Variants in THSD4 observed in about 807,000 individuals in gnomAD.
THSD4 encodes thrombospondin type-1 domain-containing protein 4.
A neutral mutation model predicts 119.0 loss-of-function variants in THSD4; 69 were observed. That is an observed-to-expected ratio of 0.58 (90% CI 0.48 to 0.71). THSD4 has a LOEUF of 0.71. Ranked by LOEUF, THSD4 falls within the 30% of genes least tolerant of loss-of-function variation. The probability of loss-of-function intolerance (pLI) is 0.00; values close to 1 mark genes in which losing one functional copy is unlikely to be tolerated. For synonymous variants in THSD4, 524 were observed against 540.4 expected, an observed-to-expected ratio of 0.97 and a Z score of 0.42; for missense variants, 1,393 against 1,391.1, an observed-to-expected ratio of 1.00 and a Z score of -0.02.
intron 7 of THSD4, among the ~76,000 whole-genome samples, chr15:71,499,500 TAAA>T (rs60677215): frequency 2.1e-5 from 3 of 144,304 alleles, no homozygotes; most frequent in African/African-American, 2.5e-5. Context: ...TTTATTATGG[TAAA>T]AAAAAAAAAA....
At position 71,382,765 on chromosome 15, in the gene THSD4, A is replaced by G. The variant is rs369816014; in HGVS notation, c.1016-28922A>G. ...GATGATACCATTTTATAATTTTTAG[A>G]AATGTATTTTCTCATAACACAATTT... On this transcript the variant is annotated intron_variant, in intron 6 of 17. Coordinates refer to ENST00000261862, the MANE Select transcript of THSD4 (RefSeq NM_024817.3). Among the ~76,000 whole-genome samples, 6 of 152,276 alleles carry G rather than the reference A, an allele frequency of 3.9e-5. No individual in the cohort carries two copies. The East Asian group carries it at 1.2e-3, about 29-fold the overall frequency.
Position 71,266,922 on chromosome 15 carries a change from G to A in THSD4, c.1015+10207G>A, listed in dbSNP as rs527243894. Among the ~76,000 whole-genome samples, 2 of 152,072 alleles carry A rather than the reference G, an allele frequency of 1.3e-5. 1 individual carries two copies. The highest frequency in any genetic ancestry group is 4.1e-4 in the South Asian group (2 of 4,824). On this transcript the variant is annotated intron_variant, in intron 6 of 17. Coordinates refer to ENST00000261862, the MANE Select transcript of THSD4 (RefSeq NM_024817.3). ...AAGACAAGATTAGAGAAAAAAGAAT[G>A]AAAAGGAATGAACAAAGCCTCCAAG...
intron 8 of THSD4, among the ~76,000 whole-genome samples, chr15:71,690,210 A>G (rs949897909): frequency 1.3e-5 from 2 of 152,160 alleles, no homozygotes; most frequent in African/African-American, 4.8e-5. Flanking sequence ...TTAATGGGTA[A>G]TTGCCTGAGC....
At chr15:71,597,576 C>G (rs745525985) in intron 7 of THSD4, among the ~76,000 whole-genome samples, 3 of 152,106 alleles carry the variant, frequency 2.0e-5, no homozygotes, top group Non-Finnish European at 4.4e-5. Context: ...TACCAAAAAT[C>G]GTGTATACAA....
At position 71,394,569 on chromosome 15, in the gene THSD4, T is replaced by C. The variant is rs117645411; in HGVS notation, c.1016-17118T>C. Among the ~76,000 whole-genome samples, 37 of 152,272 alleles carry C rather than the reference T, an allele frequency of 2.4e-4. No homozygotes were observed. In the Middle Eastern group the frequency reaches 0.014, roughly 56 times the overall value. On this transcript the variant is annotated intron_variant, in intron 6 of 17. Transcript: ENST00000261862. ...TACAGGCGTGAGCCACAGTGCCTGA[T>C]TGGCCTTTTCACTCCTCCTCCTCCT...
chr15:71,389,660 G>A (rs2046345639), intron 6 of THSD4, among the ~76,000 whole-genome samples: 1 of 151,862 alleles, frequency 6.6e-6, no homozygotes, highest in Non-Finnish European at 1.5e-5. Flanking sequence ...CAAAGTAGTG[G>A]AATTGTTATG....
At chr15:71,114,838 C>T (rs1229788466), upstream of THSD4, 1 of 152,158 alleles carries the variant, frequency 6.6e-6, no homozygotes, top group Admixed American at 6.5e-5. Context: ...GTGTGTGTCT[C>T]CTCCCCATGC....
At chr15:71,182,424 G>A (rs944696452) in intron 3 of THSD4, among the ~76,000 whole-genome samples, 1 of 151,624 alleles carries the variant, frequency 6.6e-6, no homozygotes, top group Non-Finnish European at 1.5e-5. Flanking sequence ...ATATTTTTGT[G>A]CGCTTCAACC....
intron 5 of THSD4, among the ~76,000 whole-genome samples, chr15:71,247,455 G>A (rs1263669607): frequency 6.6e-6 from 1 of 152,182 alleles, no homozygotes; most frequent in Non-Finnish European, 1.5e-5. Flanking sequence ...TCATAAAAAG[G>A]CATTAACAGT....
chr15:71,408,433 A>T (rs781314226), intron 6 of THSD4, among the ~76,000 whole-genome samples: 1 of 152,012 alleles, frequency 6.6e-6, no homozygotes, highest in African/African-American at 2.4e-5. Context: ...GGGTCTCATT[A>T]TGTTGCCCAG....
At chr15:71,369,516 C>T (rs1027979047) in intron 6 of THSD4, among the ~76,000 whole-genome samples, 2 of 152,114 alleles carry the variant, frequency 1.3e-5, no homozygotes, top group East Asian at 1.9e-4. Context: ...TGTCAAAGGC[C>T]TTTTCTGCAT....
intron 6 of THSD4, among the ~76,000 whole-genome samples, chr15:71,283,009 A>C: frequency 7.5e-6 from 1 of 133,272 alleles, no homozygotes; most frequent in African/African-American, 2.9e-5. Context: ...TTGCACTGTC[A>C]CCCAGGCTGG....
chr15:71,455,603 G>T (rs2047327742), intron 7 of THSD4, among the ~76,000 whole-genome samples: 1 of 152,160 alleles, frequency 6.6e-6, no homozygotes, highest in South Asian at 2.1e-4. Context: ...TACCTAAGGA[G>T]TTGGGCTGTA....
chr15:71,767,672 A>G (rs1416234346), intron 16 of THSD4: 1 of 152,254 alleles, frequency 6.6e-6, no homozygotes, highest in Admixed American at 6.5e-5. Flanking sequence ...AAGTGTCAGT[A>G]TAAACTTAGA....
rs573046630 is a variant in THSD4, at chr15:71,482,541, C to T, written c.1152+70718C>T. On this transcript the variant is annotated intron_variant, in intron 7 of 17. Coordinates refer to ENST00000261862, the MANE Select transcript of THSD4 (RefSeq NM_024817.3). Reference sequence around the variant, plus strand: ...TCCTGACCTCGTGATCTGCCTGCCTCGGCCTCCCAAAGTGCTGGGATTATA... The same window carrying T: ...TCCTGACCTCGTGATCTGCCTGCCTTGGCCTCCCAAAGTGCTGGGATTATA... 3.6e-4 allele frequency among the ~76,000 whole-genome samples: 54 copies of T among 151,840 alleles called. 1 individual carries two copies. In the East Asian group the frequency reaches 6.1e-3, roughly 17 times the overall value.
chr15:71,397,854 T>C (rs781305894), intron 6 of THSD4, among the ~76,000 whole-genome samples: 8 of 152,222 alleles, frequency 5.3e-5, no homozygotes, highest in Non-Finnish European at 1.0e-4. Context: ...TATGAACTAA[T>C]ACATATGCAG....
intron 10 of THSD4, among the ~76,000 whole-genome samples, chr15:71,734,844 A>G (rs1303522200): frequency 6.7e-6 from 1 of 149,398 alleles, no homozygotes; most frequent in Admixed American, 6.7e-5. Flanking sequence ...AAAAAAGTCC[A>G]CAGCTCCCAA....
At position 71,728,961 on chromosome 15, in the gene THSD4, T is replaced by G. The variant is rs112342360; in HGVS notation, c.1533+237T>G. On this transcript the variant is annotated intron_variant, in intron 9 of 17. Transcript: ENST00000261862. ...GATGCTTATTACCTTCGGAGTTTAT[T>G]GACCCAGTAAAACCAATTTTACTTG... 239 of 552,598 alleles carry G rather than the reference T, an allele frequency of 4.3e-4. 1 individual carries two copies. Among genetic ancestry groups the G allele is most frequent in the African/African-American group, 3.8e-3 (203 of 53,216 alleles). 34.2% of individuals were successfully genotyped at this position (552,598 alleles called of 1,614,324 possible). A position where few individuals can be genotyped will look rare whatever the true frequency, so the allele number is the denominator to read the frequency against.
chr15:71,337,891 G>A (rs985350507), intron 6 of THSD4, among the ~76,000 whole-genome samples: 1 of 152,194 alleles, frequency 6.6e-6, no homozygotes, highest in African/African-American at 2.4e-5. Context: ...ACTAATGACT[G>A]TGGGCAACTT....
Sources: gnomAD v4.1 joint callset for allele counts (sites outside exome capture counted in the v4.1 genomes callset) on GRCh38, gnomAD v4.1.1 for gene constraint, MANE v1.5 for transcripts, NCBI Gene and HGNC (gene_info 2026-07-23, HGNC 2026-07-21) for gene names.